LRMDA: variants seen among roughly 807,000 people sequenced by gnomAD.
The protein encoded by LRMDA is leucine rich melanocyte differentiation associated.
In LRMDA, 18 loss-of-function variants were observed where a neutral mutation model predicts 29.8. That is an observed-to-expected ratio of 0.60 (90% confidence interval 0.42 to 0.90). The LOEUF (loss-of-function observed/expected upper bound fraction) is 0.90, where lower values mean the gene tolerates loss of function less well. Among genes scored for constraint, LRMDA ranks in the 40% least tolerant of loss-of-function variants. The probability of loss-of-function intolerance (pLI) is 0.00; values close to 1 mark genes in which losing one functional copy is unlikely to be tolerated. For synonymous variants in LRMDA, 125 were observed against 109.4 expected (o/e 1.14, Z -0.89); for missense variants, 273 against 273.9 (o/e 1.00, Z 0.02).
At chr10:76,354,756 A>G (rs1052971702) in intron 6 of LRMDA, among the ~76,000 whole-genome samples, 2 of 152,174 alleles carry the variant, frequency 1.3e-5, no homozygotes, top group African/African-American at 4.8e-5. Context: ...TATAATGTGT[A>G]ATTATTAAAC....
At chr10:75,519,133 A>C (rs546388241) in intron 2 of LRMDA, among the ~76,000 whole-genome samples, 1 of 152,294 alleles carries the variant, frequency 6.6e-6, no homozygotes, top group South Asian at 2.1e-4. Context: ...TTCTGTGGTC[A>C]GTTTAAGAAT....
chr10:76,356,723 CA>C (rs1841245024), intron 6 of LRMDA, among the ~76,000 whole-genome samples: 1 of 152,110 alleles, frequency 6.6e-6, no homozygotes, highest in African/African-American at 2.4e-5. Flanking sequence ...AGGCATTTTA[CA>C]AATAATGGCT....
intron 6 of LRMDA, among the ~76,000 whole-genome samples, chr10:76,468,570 A>G (rs1283039253): frequency 1.3e-5 from 2 of 152,206 alleles, no homozygotes; most frequent in Non-Finnish European, 2.9e-5. Flanking sequence ...CACAAAGAAA[A>G]CATTTTTTTC....
chr10:76,097,767 C>T (rs1050442160), intron 5 of LRMDA, among the ~76,000 whole-genome samples: 1 of 152,072 alleles, frequency 6.6e-6, no homozygotes, highest in Non-Finnish European at 1.5e-5. Flanking sequence ...AGGATAAACC[C>T]TACTTGGTAA....
chr10:75,896,841 T>TTGTGTGTGTG (rs35428137), intron 2 of LRMDA, among the ~76,000 whole-genome samples: 5,390 of 147,488 alleles, frequency 0.037, 137 homozygotes, highest in African/African-American at 0.07. Context: ...GAGTGTGCAT[T>TTGTGTGTGTG]TGTGTGTGTG....
At chr10:76,047,011 T>C (rs1204133949) in intron 3 of LRMDA, among the ~76,000 whole-genome samples, 153 bp from the exon 4 acceptor site, 1 of 152,184 alleles carries the variant, frequency 6.6e-6, no homozygotes, top group Non-Finnish European at 1.5e-5. Flanking sequence ...AGTGAAAAAG[T>C]AGCAATACCG....
intron 2 of LRMDA, among the ~76,000 whole-genome samples, chr10:75,805,085 G>A (rs146975598): frequency 7.3e-4 from 111 of 152,292 alleles, no homozygotes; most frequent in Middle Eastern, 6.8e-3. Flanking sequence ...CAGAAGATCC[G>A]CGCAGTCAAG....
chr10:76,500,855 T>A (rs191808664), intron 6 of LRMDA, among the ~76,000 whole-genome samples: 2,357 of 71,932 alleles, frequency 0.033, 665 homozygotes, highest in African/African-American at 0.073. Flanking sequence ...TGCCTTTTTT[T>A]AAAAAAAAAA....
chr10:76,046,822 T>A (rs1030762564), intron 3 of LRMDA, among the ~76,000 whole-genome samples: 2 of 152,206 alleles, frequency 1.3e-5, no homozygotes, highest in African/African-American at 4.8e-5. Context: ...GTTTTATGGT[T>A]TTGCATATTG....
chr10:75,510,949 G>A (rs1291138172), intron 2 of LRMDA, among the ~76,000 whole-genome samples: 1 of 152,160 alleles, frequency 6.6e-6, no homozygotes, highest in East Asian at 1.9e-4. Context: ...GAAAAACAAG[G>A]CAGTTGACAT....
chr10:76,159,303 A>G (rs140893889), intron 5 of LRMDA, among the ~76,000 whole-genome samples: 6 of 152,300 alleles, frequency 3.9e-5, no homozygotes, highest in African/African-American at 1.4e-4. Flanking sequence ...ATCTTCTGTC[A>G]TCAGGGAAAT....
chr10:75,640,865 G>A (rs1841444635), intron 2 of LRMDA, among the ~76,000 whole-genome samples: 1 of 152,210 alleles, frequency 6.6e-6, no homozygotes, highest in South Asian at 2.1e-4. Context: ...GAGAGTCTGA[G>A]TGGGGGATTC....
Position 75,726,845 on chromosome 10 carries a change from C to T in LRMDA, c.131+288351C>T, listed in dbSNP as rs150166559. 5.9e-5 allele frequency among the ~76,000 whole-genome samples: 9 copies of T among 152,258 alleles called. No individual in the cohort carries two copies. The East Asian group carries it at 1.5e-3, about 26-fold the overall frequency. On this transcript the variant is annotated intron_variant, in intron 2 of 6. Coordinates refer to ENST00000611255, the MANE Select transcript of LRMDA (RefSeq NM_001305581.2). ...TGCCCACATCCAACAAGTTGGAGAG[C>T]CAGTTATGGGTACAATGATACACTC...
chr10:75,790,109 A>T (rs1192337246), intron 2 of LRMDA, among the ~76,000 whole-genome samples: 1 of 152,184 alleles, frequency 6.6e-6, no homozygotes, highest in African/African-American at 2.4e-5. Context: ...CTAGTCTAGA[A>T]CAAGATTTCT....
rs912558621 is a variant in LRMDA at position 75,715,186 on chromosome 10, A to C, written c.131+276692A>C. 3.3e-5 allele frequency among the ~76,000 whole-genome samples: 5 copies of C among 152,178 alleles called. No individual in the cohort carries two copies. In the East Asian group the frequency reaches 7.7e-4, roughly 23 times the overall value. On this transcript the variant is annotated intron_variant, in intron 2 of 6. Coordinates refer to ENST00000611255, the MANE Select transcript of LRMDA (RefSeq NM_001305581.2). ...TACCATTCCCCTTGTGTATTCTCTT[A>C]CGGTCAATATGGATCTTACTGGTGC...
intron 2 of LRMDA, among the ~76,000 whole-genome samples, chr10:75,493,888 G>A (rs1232580619): frequency 9.5e-6 from 1 of 105,082 alleles, no homozygotes; most frequent in East Asian, 2.6e-4. Flanking sequence ...TGACTTGTCT[G>A]AAATTTACGT....
intron 2 of LRMDA, among the ~76,000 whole-genome samples, chr10:75,846,803 C>T (rs2132306637): frequency 6.6e-6 from 1 of 152,086 alleles, no homozygotes; most frequent in South Asian, 2.1e-4. Flanking sequence ...ATAAACTTAA[C>T]CAAGGAGGTG....
intron 2 of LRMDA, among the ~76,000 whole-genome samples, chr10:75,635,027 C>T (rs994238855): frequency 6.6e-6 from 1 of 152,106 alleles, no homozygotes; most frequent in African/African-American, 2.4e-5. Context: ...TCTTAAGGGT[C>T]CATGAAATTC....
chr10:76,250,284 C>T (rs1852453462), intron 5 of LRMDA, among the ~76,000 whole-genome samples: 1 of 152,154 alleles, frequency 6.6e-6, no homozygotes, highest in South Asian at 2.1e-4. Context: ...TAGTTTGACT[C>T]TCTTTTTAAC....
Sources: gnomAD v4.1 joint callset for allele counts (sites outside exome capture counted in the v4.1 genomes callset) on GRCh38, gnomAD v4.1.1 for gene constraint, MANE v1.5 for transcripts, NCBI Gene and HGNC (gene_info 2026-07-23, HGNC 2026-07-21) for gene names.